Variants in SNX31 observed in about 807,000 individuals in gnomAD.
The protein encoded by SNX31 is sorting nexin-31.
Under a neutral mutation model 65.4 loss-of-function variants are expected in SNX31, and 58 were observed. The observed-to-expected ratio is 0.89, with a 90% CI of 0.72 to 1.10. The LOEUF is 1.10. Ranked by LOEUF, SNX31 falls within the 50% of genes least tolerant of loss-of-function variation. The probability of loss-of-function intolerance (pLI) is 0.00; values close to 1 mark genes in which losing one functional copy is unlikely to be tolerated. For synonymous variants in SNX31, 181 were observed against 190.1 expected (o/e 0.95, Z 0.39); for missense variants, 523 against 529.7 (o/e 0.99, Z 0.12).
intron 2 of SNX31, 91 bp from the exon 3 acceptor site, chr8:100,636,102 C>A (rs1818756852): frequency 1.2e-6 from 1 of 811,700 alleles, no homozygotes; most frequent in Non-Finnish European, 2.0e-6. Flanking sequence ...CAAGTCCCAT[C>A]CCAGCACTTT....
chr8:100,596,587 AG>A, intron 10 of SNX31, 51 bp downstream of exon 10: 2 of 1,496,900 alleles, frequency 1.3e-6, no homozygotes, highest in Middle Eastern at 1.7e-4. Context: ...TTGTCATCCA[AG>A]GGTACTAGGA....
rs1236756717 is a variant in SNX31, at chr8:100,622,904, A to G, written c.322-5174T>C. Among the ~76,000 whole-genome samples the G allele has an allele frequency of 6.6e-6, 1 of 152,138 alleles. No individual in the cohort carries two copies. The highest frequency in any genetic ancestry group is 1.5e-5 in the Non-Finnish European group (1 of 68,026). ...AAGAACCTGCACATCAAGGGAGGTA[A>G]GAGGTTAAAGCGCCACCCAACCTGC... On this transcript the variant is annotated intron_variant, in intron 4 of 13. Transcript: ENST00000311812. The surrounding 1 kb of genome is among the most constrained non-coding windows in gnomAD (Gnocchi z 5.0).
rs568717841 is a variant in SNX31, at chr8:100,578,752, C to T, written c.1171-1677G>A. ...TTATTATTATTTTGAGACAGAGTCT[C>T]GCTGTGTTGCCCAGGCTAGAGTGCA... is the stretch of plus-strand genomic sequence containing the variant. On this transcript the variant is annotated intron_variant, in intron 12 of 13. Coordinates refer to ENST00000311812, the MANE Select transcript of SNX31 (RefSeq NM_152628.4). The surrounding 1 kb of genome is among the most constrained non-coding windows in gnomAD (Gnocchi z 4.7). 5.4e-5 allele frequency among the ~76,000 whole-genome samples: 8 copies of T among 148,962 alleles called. No homozygotes were observed. In the South Asian group the frequency reaches 6.3e-4, roughly 12 times the overall value.
intron 2 of SNX31, among the ~76,000 whole-genome samples, chr8:100,644,491 G>A (rs1819490028): frequency 6.6e-6 from 1 of 152,042 alleles, no homozygotes; most frequent in Admixed American, 6.6e-5. Context: ...TGTGGGGCCA[G>A]CCAGTTCACA....
At position 100,596,628 on chromosome 8, in the gene SNX31, A is replaced by T. The variant is rs373622422; in HGVS notation, c.978+11T>A. Reference sequence around the variant, plus strand: ...TAAGTCATGGGCAAAGCAAGGTGCCAAGATACTCACAAGGAAAGTGACCTG... The same window carrying T: ...TAAGTCATGGGCAAAGCAAGGTGCCTAGATACTCACAAGGAAAGTGACCTG... On this transcript the variant is annotated intron_variant, in intron 10 of 13. Transcript: ENST00000311812. 58 of 1,612,830 alleles carry T rather than the reference A, an allele frequency of 3.6e-5. No individual in the cohort carries two copies. Among genetic ancestry groups the T allele is most frequent in the Non-Finnish European group, 5.9e-6 (7 of 1,178,918 alleles).
rs1817770763 is a variant in SNX31 at position 100,622,568 on chromosome 8, T to A, written c.322-4838A>T. On this transcript the variant is annotated intron_variant, in intron 4 of 13. Transcript: ENST00000311812. The surrounding 1 kb of genome is among the most constrained non-coding windows in gnomAD (Gnocchi z 5.0). ...TGGGAGGCTGAGGCAGGAGAATCACTTGAACCCAGGAGGCGGAGGTTGCAG... is the reference window on the plus strand; with the variant it reads ...TGGGAGGCTGAGGCAGGAGAATCACATGAACCCAGGAGGCGGAGGTTGCAG... Among the ~76,000 whole-genome samples, 1 of 152,088 alleles carries A rather than the reference T, an allele frequency of 6.6e-6. No individual in the cohort carries two copies. The highest frequency in any genetic ancestry group is 2.1e-4 in the South Asian group (1 of 4,818).
upstream of SNX31, among the ~76,000 whole-genome samples, chr8:100,649,915 G>T (rs1819910475): frequency 6.6e-6 from 1 of 152,262 alleles, no homozygotes; most frequent in Non-Finnish European, 1.5e-5. Flanking sequence ...CATAGATCTA[G>T]TAACTGCCTT....
intron 4 of SNX31, chr8:100,618,180 T>C (rs1817397160): frequency 7.0e-7 from 1 of 1,433,146 alleles, no homozygotes; most frequent in Non-Finnish European, 9.1e-7. Flanking sequence ...AGTGCAGAGA[T>C]TGGAAGGGTT....
At chr8:100,608,684 C>T in intron 7 of SNX31, 121 bp from the exon 8 acceptor site, 1 of 795,382 alleles carries the variant, frequency 1.3e-6, no homozygotes, top group Non-Finnish European at 2.1e-6. Context: ...TCCAACAAAG[C>T]CACACCTCCA....
intron 1 of SNX31, among the ~76,000 whole-genome samples, chr8:100,659,238 C>T (rs534852107): frequency 6.4e-4 from 96 of 151,164 alleles, no homozygotes; most frequent in South Asian, 1.5e-3. Flanking sequence ...CCTAGCTACT[C>T]GGGAGGCTGA....
At chr8:100,579,127 T>C (rs560189799) in intron 12 of SNX31, among the ~76,000 whole-genome samples, 1 of 152,294 alleles carries the variant, frequency 6.6e-6, no homozygotes, top group East Asian at 1.9e-4. Context: ...CAGTGTTACA[T>C]TAGGGTCCAT....
chr8:100,606,832 G>A (rs1816209652), intron 8 of SNX31, among the ~76,000 whole-genome samples: 1 of 152,232 alleles, frequency 6.6e-6, no homozygotes, highest in Non-Finnish European at 1.5e-5. Context: ...TCCTGAAAGT[G>A]TGGATGGTAC....
In SNX31 at chr8:100,626,099, G is replaced by A. The variant is rs1440464482; in HGVS notation, c.321+4228C>T. ...AAATTAACTGGGTGTGGTGGCATGC[G>A]CCTGTAGTCCCAGCAACTCAGGAGG... On this transcript the variant is annotated intron_variant, in intron 4 of 13. Transcript: ENST00000311812. This position sits in a 1 kb window ranked among gnomAD's most constrained non-coding sequence, Gnocchi z 4.4. 2.6e-5 allele frequency among the ~76,000 whole-genome samples: 4 copies of A among 152,108 alleles called. No homozygotes were observed. Among genetic ancestry groups the A allele is most frequent in the Admixed American group, 6.6e-5 (1 of 15,258 alleles).
chr8:100,656,509 T>C (rs527533263), intron 1 of SNX31, among the ~76,000 whole-genome samples: 1 of 151,718 alleles, frequency 6.6e-6, no homozygotes, highest in African/African-American at 2.4e-5. Flanking sequence ...GGCGTGGTTG[T>C]GGGTGCCTGT....
intron 2 of SNX31, among the ~76,000 whole-genome samples, chr8:100,636,306 C>G (rs1014452900): frequency 6.6e-6 from 1 of 152,184 alleles, no homozygotes; most frequent in Non-Finnish European, 1.5e-5. Context: ...AGCCACTGCT[C>G]ACATCATACA....
chr8:100,591,145 C>A (rs981292148), intron 10 of SNX31, among the ~76,000 whole-genome samples: 1 of 152,048 alleles, frequency 6.6e-6, no homozygotes, highest in Admixed American at 6.5e-5. Context: ...TAGAGTAAAC[C>A]TACATGAGGC....
At chr8:100,599,817 A>G (rs1815451695) in intron 9 of SNX31, among the ~76,000 whole-genome samples, 1 of 152,202 alleles carries the variant, frequency 6.6e-6, no homozygotes, top group Non-Finnish European at 1.5e-5. Context: ...GGAAACTTTA[A>G]AAATGAATGT....
In SNX31 at chr8:100,588,916, G is replaced by A; in HGVS notation, c.1042C>T (p.Gln348Ter). The change falls in exon 11 of 14, where the codon CAA becomes TAA. Residue 348 changes from glutamine to a stop codon, truncating the protein, a stop_gained. Transcript: ENST00000311812. LOFTEE classifies it high-confidence loss of function. The surrounding 1 kb of genome is among the most constrained non-coding windows in gnomAD (Gnocchi z 4.8). ...TLNQNLELRF[Q>*]YSEDSCWQWF... ...TGCCAGCAACTATCCTCACTGTATT[G>A]AAATCTGAGCTCTAAGTTCTGGTTG... 1 of 1,614,050 alleles carries A rather than the reference G, an allele frequency of 6.2e-7. No homozygotes were observed. Among genetic ancestry groups the A allele is most frequent in the Non-Finnish European group, 8.5e-7 (1 of 1,179,952 alleles).
chr8:100,611,450 C>T (rs1006328819), intron 7 of SNX31, among the ~76,000 whole-genome samples: 1 of 152,138 alleles, frequency 6.6e-6, no homozygotes, highest in East Asian at 1.9e-4. Context: ...TCATACCCCA[C>T]CCCGCCCTGA....
Sources: allele counts gnomAD v4.1 joint callset (sites outside exome capture counted in the v4.1 genomes callset), GRCh38; gene constraint gnomAD v4.1.1; non-coding constraint Gnocchi (gnomAD v3.1); transcripts MANE v1.5; gene names NCBI Gene and HGNC (gene_info 2026-07-23, HGNC 2026-07-21).